SLC19A3: variants seen among roughly 807,000 people sequenced by gnomAD.
The protein encoded by SLC19A3 is solute carrier family 19 member 3, also known as thiamine transporter 2.
SLC19A3 carries 31 observed loss-of-function variants against 40.2 expected under a neutral mutation model. The ratio of observed to expected loss-of-function variants is 0.77; its 90% CI spans 0.58 to 1.04. SLC19A3 has a LOEUF of 1.04. SLC19A3 is among the 50% of genes least tolerant of loss of function. The probability of loss-of-function intolerance (pLI) is 0.00; values close to 1 mark genes in which losing one functional copy is unlikely to be tolerated. For missense variants in SLC19A3, 592 were observed against 596.7 expected, an observed-to-expected ratio of 0.99 and a Z score of 0.08; for synonymous variants, 212 against 227.5, an observed-to-expected ratio of 0.93 and a Z score of 0.61.
chr2:227,714,968 C>T (rs34742255), intron 1 of SLC19A3, among the ~76,000 whole-genome samples: 22,168 of 151,604 alleles, frequency 0.15, 2,115 homozygotes, highest in South Asian at 0.33. Context: ...CACAGGCACC[C>T]GCCACCAGGC....
intron 4 of SLC19A3, among the ~76,000 whole-genome samples, chr2:227,691,669 A>G (rs2106321867): frequency 6.6e-6 from 1 of 152,324 alleles, no homozygotes; most frequent in African/African-American, 2.4e-5. Flanking sequence ...GATGCGTCAT[A>G]AAGAACTAGA....
chr2:227,692,058 T>C (rs1449894233), intron 4 of SLC19A3, among the ~76,000 whole-genome samples: 1 of 152,130 alleles, frequency 6.6e-6, no homozygotes, highest in Non-Finnish European at 1.5e-5. Context: ...CAATAATAAG[T>C]AATAAGATTG....
At chr2:227,712,282 T>A (rs1696170754) in intron 1 of SLC19A3, among the ~76,000 whole-genome samples, 1 of 151,210 alleles carries the variant, frequency 6.6e-6, no homozygotes, top group South Asian at 2.1e-4. Flanking sequence ...GGCAAAGAAA[T>A]TAGAAAGGGA....
Position 227,690,368 on chromosome 2 carries a change from G to T in SLC19A3, c.1173-2061C>A, listed in dbSNP as rs565787889. Reference sequence around the variant, plus strand: ...AAGACAGAAACTGTAAGAGACACAGGTCATTAAACAATGATAAAAGGGTCA... The same window carrying T: ...AAGACAGAAACTGTAAGAGACACAGTTCATTAAACAATGATAAAAGGGTCA... On this transcript the variant is annotated intron_variant, in intron 4 of 5. Coordinates refer to ENST00000644224, the MANE Select transcript of SLC19A3 (RefSeq NM_025243.4). Among the ~76,000 whole-genome samples the T allele has an allele frequency of 2.7e-4, 41 of 152,170 alleles. 1 individual carries two copies. Among genetic ancestry groups the T allele is most frequent in the Admixed American group, 5.2e-4 (8 of 15,260 alleles).
chr2:227,688,517 T>C (rs1329121884), intron 4 of SLC19A3, among the ~76,000 whole-genome samples: 1 of 152,164 alleles, frequency 6.6e-6, no homozygotes, highest in African/African-American at 2.4e-5. Flanking sequence ...CTGGATCTTA[T>C]CCAAGACCAC....
At position 227,687,472 on chromosome 2, in the gene SLC19A3, G is replaced by A. The variant is rs1695058826; in HGVS notation, c.1416C>T (p.Ser472=). 1.9e-6 allele frequency: 3 copies of A among 1,614,068 alleles called. No homozygotes were observed. The highest frequency in any genetic ancestry group is 2.5e-6 in the Non-Finnish European group (3 of 1,179,970). ...CATCTGGATTCTCACTTGGAGCAGGGCTCTGTACATCCTTCTGGGATTTGG... is the reference window on the plus strand; with the variant it reads ...CATCTGGATTCTCACTTGGAGCAGGACTCTGTACATCCTTCTGGGATTTGG... ...YSTKSQKDVQ[S]PAPSENPDVS... Residue 472 remains serine, a synonymous_variant, in exon 6 of 6, where the codon AGC becomes AGT. Transcript: ENST00000644224.
In SLC19A3 at chr2:227,684,980, C is replaced by CAAAAAAAAAAAAA. The variant is rs60946199; in HGVS notation, c.*2404_*2416dup. Reference sequence around the variant, plus strand: ...CCTGGGTGACAGAGCAAGATTCTATCAAAAAAAAAAAAAAAAAAAAAAAAA... The same window carrying CAAAAAAAAAAAAA: ...CCTGGGTGACAGAGCAAGATTCTATCAAAAAAAAAAAAAAAAAAAAAAAAAAAAAAAAAAAAAA... On this transcript the variant is annotated 3_prime_UTR_variant, in exon 6 of 6. Coordinates refer to ENST00000644224, the MANE Select transcript of SLC19A3 (RefSeq NM_025243.4). The CAAAAAAAAAAAAA allele has an allele frequency of 1.6e-4, 10 of 62,412 alleles. No individual in the cohort carries two copies. Among genetic ancestry groups the CAAAAAAAAAAAAA allele is most frequent in the Non-Finnish European group, 2.7e-4 (9 of 33,062 alleles). 3.9% of individuals were successfully genotyped at this position (62,412 alleles called of 1,614,324 possible). A position where few individuals can be genotyped will look rare whatever the true frequency, so the allele number is the denominator to read the frequency against.
rs376214482 is a variant in SLC19A3 at position 227,695,884 on chromosome 2, C to T, written c.1172+5G>A. On this transcript the variant is annotated splice_donor_5th_base_variant and intron_variant, in intron 4 of 5. Transcript: ENST00000644224. ...TCAGTTTTAGGAGTGGTTGGTAAAA[C>T]TTACACTGCTATGGTTATAAGAAGC... 4 of 1,613,738 alleles carry T rather than the reference C, an allele frequency of 2.5e-6. No individual in the cohort carries two copies. Among genetic ancestry groups the T allele is most frequent in the Non-Finnish European group, 3.4e-6 (4 of 1,179,942 alleles).
rs955537438 is a variant in SLC19A3 at position 227,703,327 on chromosome 2, G to A, written c.-2-1007C>T. Among the ~76,000 whole-genome samples, 5 of 152,064 alleles carry A rather than the reference G, an allele frequency of 3.3e-5. No homozygotes were observed. Among genetic ancestry groups the A allele is most frequent in the Non-Finnish European group, 4.4e-5 (3 of 67,992 alleles). On this transcript the variant is annotated intron_variant, in intron 1 of 5. Coordinates refer to ENST00000644224, the MANE Select transcript of SLC19A3 (RefSeq NM_025243.4). The surrounding 1 kb of genome is among the most constrained non-coding windows in gnomAD (Gnocchi z 4.7). ...TGGAATTCCAGGTATCCAGTGGGTG[G>A]GGAGCTTTACTAGGGGTTGGGGAGG...
At chr2:227,698,588 C>A in intron 3 of SLC19A3, 148 bp downstream of exon 3, 1 of 771,142 alleles carries the variant, frequency 1.3e-6, no homozygotes, top group East Asian at 2.6e-5. Context: ...CATAAGCCAC[C>A]ATGCCCGGCC....
At position 227,703,330 on chromosome 2, in the gene SLC19A3, AGCT is replaced by A. The variant is rs1349739825; in HGVS notation, c.-2-1013_-2-1011del. Reference sequence around the variant, plus strand: ...AATTCCAGGTATCCAGTGGGTGGGGAGCTTTACTAGGGGTTGGGGAGGTAGGAA... The same window carrying A: ...AATTCCAGGTATCCAGTGGGTGGGGATTACTAGGGGTTGGGGAGGTAGGAA... On this transcript the variant is annotated intron_variant, in intron 1 of 5. Transcript: ENST00000644224. This position sits in a 1 kb window ranked among gnomAD's most constrained non-coding sequence, Gnocchi z 4.7. 1.3e-5 allele frequency among the ~76,000 whole-genome samples: 2 copies of A among 151,970 alleles called. No homozygotes were observed. The highest frequency in any genetic ancestry group is 4.8e-5 in the African/African-American group (2 of 41,392).
intron 4 of SLC19A3, among the ~76,000 whole-genome samples, chr2:227,693,291 A>T (rs972069374): frequency 3.9e-5 from 6 of 152,014 alleles, no homozygotes; most frequent in Non-Finnish European, 5.9e-5. Context: ...CAACAACAAC[A>T]AAAAACTGGA....
At chr2:227,701,030 A>G (rs1044725801) in intron 2 of SLC19A3, 1 of 1,304,178 alleles carries the variant, frequency 7.7e-7, no homozygotes, top group African/African-American at 1.5e-5. Context: ...TGGCTCGAGA[A>G]GCAGAACCCA....
At chr2:227,699,597 C>T (rs748976873) in intron 2 of SLC19A3, 33 bp from the exon 3 acceptor site, 1 of 1,578,656 alleles carries the variant, frequency 6.3e-7, no homozygotes. Flanking sequence ...GACCACGAAG[C>T]ACCGGTACTT....
rs777467103 is a variant in SLC19A3, at chr2:227,698,871, A to G, written c.844T>C (p.Ser282Pro). 4 of 1,614,164 alleles carry G rather than the reference A, an allele frequency of 2.5e-6. No individual in the cohort carries two copies. Among genetic ancestry groups the G allele is most frequent in the East Asian group, 4.5e-5 (2 of 44,868 alleles). ...CYSSKRLFYW[S>P]LWWAFATAGF... ...GCTGTGGCGAAAGCCCACCATAGAG[A>G]CCAGTAGAAAAGACGTTTTGAGGAG... is the stretch of plus-strand genomic sequence containing the variant. Residue 282 changes from serine (S) to proline (P), a missense_variant, in exon 3 of 6, where the codon TCT (serine) becomes CCT (proline). By Grantham distance (74) the Ser-to-Pro change is moderately conservative. Coordinates refer to ENST00000644224, the MANE Select transcript of SLC19A3 (RefSeq NM_025243.4).
chr2:227,704,151 G>A (rs1442187040), intron 1 of SLC19A3, among the ~76,000 whole-genome samples: 3 of 152,172 alleles, frequency 2.0e-5, no homozygotes, highest in Non-Finnish European at 2.9e-5. Flanking sequence ...TCTACTTGAA[G>A]AAGGGTAAGG....
chr2:227,687,178 G>A lies in SLC19A3; in HGVS notation c.*219C>T. 2.1e-6 allele frequency: 1 copy of A among 486,064 alleles called. No homozygotes were observed. 30.1% of individuals were successfully genotyped at this position (486,064 alleles called of 1,614,324 possible). On this transcript the variant is annotated 3_prime_UTR_variant, in exon 6 of 6. Coordinates refer to ENST00000644224, the MANE Select transcript of SLC19A3 (RefSeq NM_025243.4). ...TCACAGGGGGTCCCCAATATGGGTT[G>A]TTTAATTATGATGACGGGTCCTGTC...
Position 227,717,965 on chromosome 2 carries a change from A to C in SLC19A3, c.-25T>G. ...TACCTACAGAAGGGAGTGTCTGTTC[A>C]CCAAATCGCTCACTTGCCGCACGAC... is the stretch of plus-strand genomic sequence containing the variant. On this transcript the variant is annotated 5_prime_UTR_variant, in exon 1 of 6. Transcript: ENST00000644224. The C allele has an allele frequency of 2.0e-6, 2 of 985,194 alleles. No individual in the cohort carries two copies. The highest frequency in any genetic ancestry group is 1.2e-6 in the Non-Finnish European group (1 of 829,934). 61.0% of individuals were successfully genotyped at this position (985,194 alleles called of 1,614,324 possible).
At chr2:227,688,368 G>T in intron 4 of SLC19A3, 61 bp from the exon 5 acceptor site, 1 of 1,538,312 alleles carries the variant, frequency 6.5e-7, no homozygotes, top group Non-Finnish European at 9.0e-7. Context: ...GTCTTAAAAA[G>T]ATAGAACATA....
Sources: allele counts gnomAD v4.1 joint callset (sites outside exome capture counted in the v4.1 genomes callset), GRCh38; gene constraint gnomAD v4.1.1; non-coding constraint Gnocchi (gnomAD v3.1); transcripts MANE v1.5; gene names NCBI Gene and HGNC (gene_info 2026-07-23, HGNC 2026-07-21).